The following PPP3CA variants were observed in gnomAD, a reference collection of about 807,000 sequenced individuals.
The protein encoded by PPP3CA is CAM-PRP catalytic subunit.
Under a neutral mutation model 66.5 loss-of-function variants are expected in PPP3CA, and 14 were observed. The ratio of observed to expected loss-of-function variants is 0.21; its 90% CI spans 0.14 to 0.33. The LOEUF is 0.33. Ranked by LOEUF, PPP3CA falls within the 10% of genes least tolerant of loss-of-function variation. The pLI is 1.00. For synonymous variants in PPP3CA, 232 were observed against 226.2 expected (o/e 1.03, Z -0.23); for missense variants, 317 against 639.5 (o/e 0.50, Z 5.44).
At chr4:101,317,406 A>G (rs1728915921) in intron 1 of PPP3CA, among the ~76,000 whole-genome samples, 1 of 152,206 alleles carries the variant, frequency 6.6e-6, no homozygotes. Context: ...TTGTAAAAAT[A>G]AACGAAGTTC....
chr4:101,220,065 A>G (rs1194602975), intron 1 of PPP3CA, among the ~76,000 whole-genome samples: 1 of 151,882 alleles, frequency 6.6e-6, no homozygotes, highest in Non-Finnish European at 1.5e-5. Context: ...CTTTGCTTCA[A>G]TTAAGTGTAA....
intron 1 of PPP3CA, among the ~76,000 whole-genome samples, chr4:101,232,543 G>A (rs1725996008): frequency 6.6e-6 from 1 of 151,722 alleles, no homozygotes; most frequent in Non-Finnish European, 1.5e-5. Flanking sequence ...CCTTGAACCT[G>A]ACCACCTTTA....
chr4:101,293,976 T>C (rs930395711), intron 1 of PPP3CA, among the ~76,000 whole-genome samples: 4 of 152,194 alleles, frequency 2.6e-5, no homozygotes, highest in Non-Finnish European at 4.4e-5. Flanking sequence ...AGAATGAATG[T>C]ACCGAGATAG....
intron 2 of PPP3CA, among the ~76,000 whole-genome samples, chr4:101,123,166 G>A (rs1722082578): frequency 6.6e-6 from 1 of 152,120 alleles, no homozygotes; most frequent in Non-Finnish European, 1.5e-5. Flanking sequence ...TAATACTAGG[G>A]TACAAGCTAC....
At chr4:101,324,154 G>GGGAGGAAGGAAGGA (rs1729130998) in intron 1 of PPP3CA, among the ~76,000 whole-genome samples, 1 of 66,414 alleles carries the variant, frequency 1.5e-5, no homozygotes, top group African/African-American at 5.0e-5. Context: ...GGAAGGGAGG[G>GGGAGGAAGGAAGGA]AGGAAGGAAG....
At chr4:101,334,343 C>G (rs1431943683) in intron 1 of PPP3CA, among the ~76,000 whole-genome samples, 1 of 152,084 alleles carries the variant, frequency 6.6e-6, no homozygotes, top group Non-Finnish European at 1.5e-5. Flanking sequence ...CCATGTTGGC[C>G]AGGCTGGTCT....
At chr4:101,242,987 G>C (rs1726361813) in intron 1 of PPP3CA, among the ~76,000 whole-genome samples, 1 of 152,164 alleles carries the variant, frequency 6.6e-6, no homozygotes, top group Non-Finnish European at 1.5e-5. Context: ...TATGGCAGTA[G>C]CTGGTGCAGT....
chr4:101,277,368 T>C (rs958997216), intron 1 of PPP3CA, among the ~76,000 whole-genome samples: 1 of 152,160 alleles, frequency 6.6e-6, no homozygotes, highest in South Asian at 2.1e-4. Flanking sequence ...TGTGTACGGG[T>C]TTTTGCGTGG....
At chr4:101,107,643 C>T (rs1721468789) in intron 3 of PPP3CA, among the ~76,000 whole-genome samples, 1 of 152,092 alleles carries the variant, frequency 6.6e-6, no homozygotes, top group South Asian at 2.1e-4. Flanking sequence ...TTTTCTGTGT[C>T]TGCGTGTAGT....
chr4:101,137,773 C>T (rs771285322), intron 2 of PPP3CA, among the ~76,000 whole-genome samples: 2 of 151,886 alleles, frequency 1.3e-5, no homozygotes, highest in African/African-American at 2.4e-5. Context: ...TCAACGTTTT[C>T]TCCTAATCTA....
intron 1 of PPP3CA, among the ~76,000 whole-genome samples, chr4:101,205,476 C>T (rs1259145700): frequency 6.6e-6 from 1 of 152,104 alleles, no homozygotes. Flanking sequence ...GTTCTTTAAT[C>T]ACTATAAATT....
At chr4:101,059,102 G>A (rs1728350565) in intron 10 of PPP3CA, among the ~76,000 whole-genome samples, 1 of 152,044 alleles carries the variant, frequency 6.6e-6, no homozygotes, top group South Asian at 2.1e-4. Context: ...TGATGTTTAT[G>A]ATTTAGGTTC....
intron 6 of PPP3CA, among the ~76,000 whole-genome samples, chr4:101,090,861 C>G (rs62305889): frequency 3.5e-5 from 5 of 144,118 alleles, no homozygotes; most frequent in Admixed American, 6.9e-5. Context: ...TTATAATATA[C>G]ACACATATCT....
intron 3 of PPP3CA, among the ~76,000 whole-genome samples, chr4:101,099,971 G>A (rs1024708783): frequency 1.3e-5 from 2 of 151,792 alleles, no homozygotes; most frequent in Non-Finnish European, 2.9e-5. Context: ...GAAAACAATG[G>A]ATTACATATG....
intron 1 of PPP3CA, among the ~76,000 whole-genome samples, chr4:101,299,762 AT>A (rs1728318492): frequency 6.6e-6 from 1 of 152,174 alleles, no homozygotes; most frequent in African/African-American, 2.4e-5. Context: ...GAGTAAATAA[AT>A]TTATAATTTC....
intron 1 of PPP3CA, among the ~76,000 whole-genome samples, chr4:101,255,021 C>A: frequency 8.0e-6 from 1 of 124,278 alleles, no homozygotes. Flanking sequence ...ACATAAGAAG[C>A]ATGAGTCCCG....
At position 101,201,519 on chromosome 4, in the gene PPP3CA, T is replaced by C. The variant is rs181885046; in HGVS notation, c.59-5403A>G. On this transcript the variant is annotated intron_variant, in intron 1 of 13. Coordinates refer to ENST00000394854, the MANE Select transcript of PPP3CA (RefSeq NM_000944.5). ...CTGATCCATACCATAAGTAAACGCA[T>C]ACAAAATGCTGGGCACTTTAATTTT... Among the ~76,000 whole-genome samples the C allele has an allele frequency of 9.4e-4, 143 of 152,348 alleles. 1 individual carries two copies. Among genetic ancestry groups the C allele is most frequent in the African/African-American group, 3.3e-3 (137 of 41,582 alleles).
chr4:101,251,712 A>C (rs1366753726), intron 1 of PPP3CA, among the ~76,000 whole-genome samples: 1 of 152,164 alleles, frequency 6.6e-6, no homozygotes, highest in Non-Finnish European at 1.5e-5. Flanking sequence ...AATAATAAAT[A>C]TATAATAAAA....
At chr4:101,187,545 T>C (rs1221782224) in intron 2 of PPP3CA, among the ~76,000 whole-genome samples, 1 of 152,158 alleles carries the variant, frequency 6.6e-6, no homozygotes, top group Non-Finnish European at 1.5e-5. Flanking sequence ...ATTACCAGCT[T>C]ATCTCATGAA....
Sources: allele counts gnomAD v4.1 joint callset (sites outside exome capture counted in the v4.1 genomes callset), GRCh38; gene constraint gnomAD v4.1.1; transcripts MANE v1.5; gene names NCBI Gene and HGNC (gene_info 2026-07-23, HGNC 2026-07-21).